Variants in CPAP observed in about 807,000 individuals in gnomAD.
CPAP encodes the protein centrosome assembly and centriole elongation protein, also known as centrosomal P4.1-associated protein.
At chr13:24,885,419 CCTA>C in the CPAP span, 1 of 1,458,908 alleles carries the variant, frequency 6.9e-7, no homozygotes, top group East Asian at 2.3e-5. Flanking sequence ...GCAGCTAAAA[CCTA>C]CTCTTACTTC....
the CPAP span, among the ~76,000 whole-genome samples, chr13:24,889,797 A>T: frequency 1.3e-5 from 2 of 151,674 alleles, no homozygotes; most frequent in Admixed American, 6.6e-5. Flanking sequence ...CGAGACCACC[A>T]CTGAGCACTC....
the CPAP span, among the ~76,000 whole-genome samples, chr13:24,884,717 T>C: frequency 6.6e-6 from 1 of 152,218 alleles, no homozygotes; most frequent in African/African-American, 2.4e-5. Flanking sequence ...AAGTAGACTT[T>C]GTACAGGAAA....
chr13:24,901,367 G>A, the CPAP span, among the ~76,000 whole-genome samples: 3 of 152,172 alleles, frequency 2.0e-5, no homozygotes, highest in Admixed American at 1.3e-4. Flanking sequence ...ACTTTAGCAG[G>A]TGAAAGATGG....
chr13:24,893,694 A>G, the CPAP span, among the ~76,000 whole-genome samples: 1 of 152,262 alleles, frequency 6.6e-6, no homozygotes. Context: ...CATTTGTGAG[A>G]CGGATTATGA....
chr13:24,932,925 A>ACG, the CPAP span: 1 of 921,964 alleles, frequency 1.1e-6, no homozygotes, highest in East Asian at 2.4e-5. Flanking sequence ...TAATTTTTCC[A>ACG]GTTTGTATGT....
the CPAP span, chr13:24,909,962 T>C: frequency 9.9e-6 from 16 of 1,614,056 alleles, no homozygotes; most frequent in South Asian, 1.4e-4. Flanking sequence ...TGGACGGGTA[T>C]GTTTCTTCCT....
chr13:24,912,527 C>T, the CPAP span: 34 of 1,435,128 alleles, frequency 2.4e-5, no homozygotes, highest in Non-Finnish European at 3.3e-5. Flanking sequence ...GACTTTATTA[C>T]ATAAACAGAA....
chr13:24,906,841 T>C, the CPAP span: 1 of 1,614,228 alleles, frequency 6.2e-7, no homozygotes, highest in Non-Finnish European at 8.5e-7. Flanking sequence ...TAGTCACTAG[T>C]TTACTTTCTT....
the CPAP span, chr13:24,905,609 T>C: frequency 6.2e-7 from 1 of 1,614,210 alleles, no homozygotes; most frequent in South Asian, 1.1e-5. Flanking sequence ...AAGAACAACA[T>C]CATGGTTACA....
At chr13:24,899,558 T>C in the CPAP span, 883 of 1,613,910 alleles carry the variant, frequency 5.5e-4, 7 homozygotes, top group South Asian at 5.1e-3. Context: ...TTTTGCTTTC[T>C]GTTGTTCGAA....
chr13:24,907,210 A>G, the CPAP span: 2 of 1,561,826 alleles, frequency 1.3e-6, no homozygotes, highest in Non-Finnish European at 1.8e-6. Context: ...AGAAACAGAA[A>G]GTTATTTAAC....
chr13:24,883,452 T>A, the CPAP span: 1 of 1,146,838 alleles, frequency 8.7e-7, no homozygotes, highest in Non-Finnish European at 1.2e-6. Context: ...AAAGTAGCCT[T>A]TTGAGTCTGG....
the CPAP span, among the ~76,000 whole-genome samples, chr13:24,924,393 ATTGT>A: frequency 2.0e-5 from 3 of 152,174 alleles, no homozygotes; most frequent in African/African-American, 7.2e-5. Flanking sequence ...GTAGTGCCAC[ATTGT>A]TTGTTGATTG....
At chr13:24,910,026 G>C in the CPAP span, 17 of 1,613,948 alleles carry the variant, frequency 1.1e-5, no homozygotes, top group Non-Finnish European at 1.4e-5. Flanking sequence ...TCTCTCTCCA[G>C]TGGTGGTATT....
At chr13:24,907,163 T>C in the CPAP span, 1 of 1,613,830 alleles carries the variant, frequency 6.2e-7, no homozygotes, top group African/African-American at 1.3e-5. Context: ...CAAAGGTCTG[T>C]TTCCTTTCTC....
At chr13:24,901,401 T>C in the CPAP span, among the ~76,000 whole-genome samples, 3 of 152,168 alleles carry the variant, frequency 2.0e-5, no homozygotes, top group Admixed American at 2.0e-4. Context: ...TTGGCAAGAT[T>C]TGAAAGACTG....
chr13:24,920,973 T>C, the CPAP span, among the ~76,000 whole-genome samples: 1 of 152,068 alleles, frequency 6.6e-6, no homozygotes, highest in African/African-American at 2.4e-5. Context: ...AATAAACCCA[T>C]AGTTATAAAT....
At chr13:24,918,307 A>G in the CPAP span, among the ~76,000 whole-genome samples, 12 of 152,222 alleles carry the variant, frequency 7.9e-5, no homozygotes, top group South Asian at 1.0e-3. Flanking sequence ...AAATTTTAAG[A>G]TAACTAATAT....
the CPAP span, among the ~76,000 whole-genome samples, chr13:24,904,756 T>A: frequency 2.0e-5 from 3 of 152,336 alleles, no homozygotes; most frequent in South Asian, 6.2e-4. Context: ...TTTTTGAAAA[T>A]TAACGTTATA....
Sources: gnomAD v4.1 joint callset for allele counts (sites outside exome capture counted in the v4.1 genomes callset) on GRCh38, gnomAD v4.1.1 for gene constraint, MANE v1.5 for transcripts, NCBI Gene and HGNC (gene_info 2026-07-23, HGNC 2026-07-21) for gene names.